The following DGKB variants were observed in gnomAD, a reference collection of about 807,000 sequenced individuals.
DGKB encodes diacylglycerol kinase beta, also known as 90 kDa diacylglycerol kinase.
Under a neutral mutation model 114.3 loss-of-function variants are expected in DGKB, and 67 were observed. The ratio of observed to expected loss-of-function variants is 0.59; its 90% CI spans 0.48 to 0.72. The LOEUF (loss-of-function observed/expected upper bound fraction) is 0.72, where lower values mean the gene tolerates loss of function less well. Among genes scored for constraint, DGKB ranks in the 30% least tolerant of loss-of-function variants. DGKB has a pLI of 0.00. For missense variants in DGKB, 907 were observed against 975.2 expected (o/e 0.93, Z 0.93); for synonymous variants, 398 against 323.1 (o/e 1.23, Z -2.49).
At chr7:14,629,712 G>C (rs1809331251) in intron 14 of DGKB, among the ~76,000 whole-genome samples, 1 of 151,982 alleles carries the variant, frequency 6.6e-6, no homozygotes, top group South Asian at 2.1e-4. Flanking sequence ...CAAAACAAAA[G>C]CCATTTATTC....
At chr7:14,921,585 G>T (rs1260001049) in intron 1 of DGKB, among the ~76,000 whole-genome samples, 1 of 152,078 alleles carries the variant, frequency 6.6e-6, no homozygotes, top group Non-Finnish European at 1.5e-5. Flanking sequence ...TTATGACTAG[G>T]GCACAGGCAG....
intron 20 of DGKB, among the ~76,000 whole-genome samples, chr7:14,559,372 GA>G (rs1389430375): frequency 6.6e-6 from 1 of 152,092 alleles, no homozygotes; most frequent in African/African-American, 2.4e-5. Context: ...CATTTTGGAG[GA>G]AGGGGGCACA....
At chr7:14,926,450 G>C (rs1381313204) in intron 1 of DGKB, among the ~76,000 whole-genome samples, 1 of 149,824 alleles carries the variant, frequency 6.7e-6, no homozygotes, top group Non-Finnish European at 1.5e-5. Context: ...CCACCTTTTG[G>C]AATCTTCCTA....
Position 14,161,467 on chromosome 7 carries a change from G to A in DGKB, c.2305-12229C>T, listed in dbSNP as rs568901190. Among the ~76,000 whole-genome samples the A allele has an allele frequency of 1.3e-3, 204 of 152,244 alleles. 1 individual carries two copies. Among genetic ancestry groups the A allele is most frequent in the Non-Finnish European group, 2.3e-3 (156 of 68,020 alleles). On this transcript the variant is annotated intron_variant, in intron 25 of 25. Transcript: ENST00000402815. The stretch of plus-strand genomic sequence containing the variant: ...AGAAAATGTGGCACATATACACCAT[G>A]GAATACTATGCAGCCATAAAAAAGG...
chr7:14,335,430 A>G (rs1330028050), intron 23 of DGKB, among the ~76,000 whole-genome samples: 1 of 152,148 alleles, frequency 6.6e-6, no homozygotes, highest in South Asian at 2.1e-4. Context: ...TTATGAAAGC[A>G]AGTATCTATT....
At chr7:14,718,931 C>T in intron 5 of DGKB, 1 of 358,070 alleles carries the variant, frequency 2.8e-6, no homozygotes, top group Non-Finnish European at 5.0e-6. Context: ...GTATTTGGGT[C>T]AGAATAATAT....
At position 14,149,271 on chromosome 7, in the gene DGKB, A is replaced by C. The variant is rs1562472274; in HGVS notation, c.2305-33T>G. ...AAAAGAGAGAGAGAGAGAGAGAAAG[A>C]ATAGAGTAATCTCCAGATAGATACA... On this transcript the variant is annotated intron_variant, in intron 25 of 25. Coordinates refer to ENST00000402815, the MANE Select transcript of DGKB (RefSeq NM_001350709.2). The C allele has an allele frequency of 2.7e-6, 4 of 1,491,596 alleles. No homozygotes were observed. The East Asian group carries it at 6.8e-5, about 25-fold the overall frequency. 92.4% of individuals were successfully genotyped at this position (1,491,596 alleles called of 1,614,324 possible). A position where few individuals can be genotyped will look rare whatever the true frequency, so the allele number is the denominator to read the frequency against.
At chr7:14,313,609 C>A (rs1235559540) in intron 23 of DGKB, among the ~76,000 whole-genome samples, 1 of 152,176 alleles carries the variant, frequency 6.6e-6, no homozygotes, top group Admixed American at 6.5e-5. Context: ...AGATTATATC[C>A]GCACCTGGCT....
At chr7:14,390,197 C>T (rs1303920854) in intron 21 of DGKB, among the ~76,000 whole-genome samples, 2 of 152,138 alleles carry the variant, frequency 1.3e-5, no homozygotes, top group Admixed American at 1.3e-4. Context: ...TCCTACTAGT[C>T]CTTCTTGAAT....
At chr7:14,561,918 A>C (rs1459160754) in intron 20 of DGKB, among the ~76,000 whole-genome samples, 2 of 152,344 alleles carry the variant, frequency 1.3e-5, no homozygotes, top group East Asian at 3.9e-4. Context: ...AAATGGGGAA[A>C]CTGTCTCCAG....
chr7:14,751,757 A>C (rs181430394), intron 4 of DGKB, among the ~76,000 whole-genome samples: 6 of 152,324 alleles, frequency 3.9e-5, no homozygotes, highest in Non-Finnish European at 7.3e-5. Flanking sequence ...TGAATGCAGA[A>C]GACATCAGAG....
chr7:14,189,785 C>A (rs1784038557), intron 23 of DGKB, among the ~76,000 whole-genome samples: 2 of 151,888 alleles, frequency 1.3e-5, no homozygotes, highest in Admixed American at 1.3e-4. Context: ...TATTTTAAGT[C>A]AAAAACTGTT....
At chr7:14,288,730 C>A (rs547504330) in intron 23 of DGKB, among the ~76,000 whole-genome samples, 235 of 152,252 alleles carry the variant, frequency 1.5e-3, no homozygotes, top group Admixed American at 2.6e-3. Flanking sequence ...GCAATTCCCT[C>A]AATGTTTTCA....
intron 21 of DGKB, among the ~76,000 whole-genome samples, chr7:14,368,752 T>C (rs1276371214): frequency 6.6e-6 from 1 of 152,062 alleles, no homozygotes; most frequent in Admixed American, 6.6e-5. Flanking sequence ...TTTTACTCAA[T>C]GAGATGCAAC....
intron 23 of DGKB, among the ~76,000 whole-genome samples, chr7:14,322,686 A>G (rs902814191): frequency 1.8e-4 from 27 of 152,240 alleles, no homozygotes; most frequent in African/African-American, 6.5e-4. Context: ...GTGAAAGAAT[A>G]TATTTGCAAC....
intron 1 of DGKB, among the ~76,000 whole-genome samples, chr7:14,866,107 T>C (rs1250414577): frequency 2.0e-5 from 3 of 152,158 alleles, no homozygotes; most frequent in Non-Finnish European, 4.4e-5. Context: ...ACTTAATTTT[T>C]CTTAAAGAGC....
chr7:14,956,756 A>C (rs973754167), intron 1 of DGKB, among the ~76,000 whole-genome samples: 2 of 152,012 alleles, frequency 1.3e-5, no homozygotes, highest in African/African-American at 4.8e-5. Context: ...CCATGAGTGC[A>C]ATGGAGCAGA....
At chr7:14,938,797 T>A (rs1297582918) in intron 1 of DGKB, among the ~76,000 whole-genome samples, 1 of 152,194 alleles carries the variant, frequency 6.6e-6, no homozygotes, top group African/African-American at 2.4e-5. Flanking sequence ...TATTTCTTCC[T>A]TTCAAAAAAT....
At chr7:14,676,476 C>T (rs985409615) in intron 12 of DGKB, among the ~76,000 whole-genome samples, 1 of 151,912 alleles carries the variant, frequency 6.6e-6, no homozygotes, top group African/African-American at 2.4e-5. Context: ...GGATGGATAC[C>T]CCATTCTCCA....
Sources: allele counts gnomAD v4.1 joint callset (sites outside exome capture counted in the v4.1 genomes callset), GRCh38; gene constraint gnomAD v4.1.1; transcripts MANE v1.5; gene names NCBI Gene and HGNC (gene_info 2026-07-23, HGNC 2026-07-21).